PARD3B: variants seen among roughly 807,000 people sequenced by gnomAD.
PARD3B encodes partitioning defective 3 homolog B.
In PARD3B, 103 loss-of-function variants were observed where a neutral mutation model predicts 130.2. The observed-to-expected ratio is 0.79, with a 90% CI of 0.67 to 0.93. PARD3B has a LOEUF of 0.93. Among genes scored for constraint, PARD3B ranks in the 40% least tolerant of loss-of-function variants. PARD3B has a pLI of 0.00. For missense variants in PARD3B, 1,609 were observed against 1,499.2 expected, an observed-to-expected ratio of 1.07 and a Z score of -1.21; for synonymous variants, 583 against 553.2, an observed-to-expected ratio of 1.05 and a Z score of -0.76.
intron 2 of PARD3B, among the ~76,000 whole-genome samples, chr2:204,856,783 A>G (rs1348077642): frequency 6.6e-6 from 1 of 152,090 alleles, no homozygotes; most frequent in Non-Finnish European, 1.5e-5. Context: ...ACCATTTATT[A>G]AAGAGACTGT....
intron 1 of PARD3B, among the ~76,000 whole-genome samples, chr2:204,600,496 T>G (rs992369192): frequency 4.0e-5 from 6 of 151,874 alleles, no homozygotes; most frequent in Admixed American, 2.6e-4. Flanking sequence ...ATTGCTGGTT[T>G]CACTATTCCG....
rs6719612 is a variant in PARD3B at position 205,575,900 on chromosome 2, C to T, written c.3260+22497C>T. Among the ~76,000 whole-genome samples, 143,777 of 152,194 alleles carry T rather than the reference C, an allele frequency of 0.94. 68,467 individuals are homozygous for T. Among genetic ancestry groups the T allele is most frequent in the East Asian group, 1 (5,160 of 5,160 alleles). ...TTTGGGTAAATACCAAGGAACATGA[C>T]TGCTGGATCAAGTGGCGAGACAATG... On this transcript the variant is annotated intron_variant, in intron 22 of 22. Transcript: ENST00000406610. The surrounding 1 kb of genome is among the most constrained non-coding windows in gnomAD (Gnocchi z 4.6).
chr2:204,786,151 A>G (rs1221062777), intron 2 of PARD3B, among the ~76,000 whole-genome samples: 1 of 151,656 alleles, frequency 6.6e-6, no homozygotes, highest in Non-Finnish European at 1.5e-5. Context: ...TTTGAAACCA[A>G]CGAATCGCTA....
chr2:205,604,568 C>A (rs1354984313), intron 22 of PARD3B, among the ~76,000 whole-genome samples: 1 of 152,158 alleles, frequency 6.6e-6, no homozygotes, highest in Non-Finnish European at 1.5e-5. Context: ...TTTCTGCTGA[C>A]AAGTCTGCTC....
At chr2:205,338,053 C>G (rs2043378176) in intron 18 of PARD3B, among the ~76,000 whole-genome samples, 1 of 147,260 alleles carries the variant, frequency 6.8e-6, no homozygotes, top group Non-Finnish European at 1.5e-5. Context: ...ACTCGGGAGG[C>G]TGAGGCAGAG....
chr2:205,125,817 G>A lies in PARD3B; in HGVS notation c.1434+80G>A. 2 of 1,528,526 alleles carry A rather than the reference G, an allele frequency of 1.3e-6. No individual in the cohort carries two copies. Among genetic ancestry groups the A allele is most frequent in the Admixed American group, 1.9e-5 (1 of 52,074 alleles). 94.7% of individuals were successfully genotyped at this position (1,528,526 alleles called of 1,614,324 possible). The stretch of plus-strand genomic sequence containing the variant: ...AATGAACTCATTATAGCTGAGAAAC[G>A]AGTTCTAAATCACAGGCTTCATTCA... On this transcript the variant is annotated intron_variant, in intron 10 of 22. Transcript: ENST00000406610. The surrounding 1 kb of genome is among the most constrained non-coding windows in gnomAD (Gnocchi z 4.0).
chr2:205,115,291 G>A (rs548386232), intron 6 of PARD3B, among the ~76,000 whole-genome samples: 30 of 152,218 alleles, frequency 2.0e-4, no homozygotes, highest in African/African-American at 7.0e-4. Flanking sequence ...ATTGGACGTG[G>A]TTTCAGAACA....
intron 3 of PARD3B, among the ~76,000 whole-genome samples, chr2:205,047,349 G>C (rs1249707041): frequency 6.6e-6 from 1 of 152,150 alleles, no homozygotes; most frequent in Non-Finnish European, 1.5e-5. Flanking sequence ...ACAATGGCTT[G>C]TTTTGAAATG....
intron 15 of PARD3B, among the ~76,000 whole-genome samples, chr2:205,205,445 C>G (rs547698080): frequency 5.3e-5 from 8 of 151,980 alleles, no homozygotes; most frequent in Non-Finnish European, 1.2e-4. Flanking sequence ...ATTTTTTTCT[C>G]TTGCCTGATT....
At chr2:204,837,910 C>A (rs1399417032) in intron 2 of PARD3B, among the ~76,000 whole-genome samples, 3 of 152,092 alleles carry the variant, frequency 2.0e-5, no homozygotes, top group Non-Finnish European at 4.4e-5. Flanking sequence ...CTAAGGCTCA[C>A]CCCAACAACC....
intron 5 of PARD3B, among the ~76,000 whole-genome samples, chr2:205,108,667 G>A (rs13419302): frequency 0.064 from 9,716 of 152,092 alleles, 367 homozygotes; most frequent in Middle Eastern, 0.18. Flanking sequence ...TTCAGGAATA[G>A]ATTCCTAATC....
Position 205,572,678 on chromosome 2 carries a change from G to T in PARD3B, c.3260+19275G>T, listed in dbSNP as rs561057213. Among the ~76,000 whole-genome samples, 3 of 152,198 alleles carry T rather than the reference G, an allele frequency of 2.0e-5. No individual in the cohort carries two copies. The highest frequency in any genetic ancestry group is 1.3e-4 in the Admixed American group (2 of 15,286). ...GAGAATTGCTTGAACCCAGAAGGTG[G>T]AGGTTGCAGTGAGCTGAGATCATGC... On this transcript the variant is annotated intron_variant, in intron 22 of 22. Transcript: ENST00000406610. This position sits in a 1 kb window ranked among gnomAD's most constrained non-coding sequence, Gnocchi z 4.2.
At chr2:205,553,024 AAGAAGAAG>A (rs1477132844) in intron 21 of PARD3B, among the ~76,000 whole-genome samples, 1 of 15,674 alleles carries the variant, frequency 6.4e-5, no homozygotes, top group East Asian at 0.12. Context: ...GTTTTAAAAA[AAGAAGAAG>A]AAGAAGAAGA....
At chr2:205,027,744 G>A (rs1697136661) in intron 3 of PARD3B, among the ~76,000 whole-genome samples, 1 of 152,082 alleles carries the variant, frequency 6.6e-6, no homozygotes, top group African/African-American at 2.4e-5. Flanking sequence ...TTTTGTATAT[G>A]AGGTAAGATA....
At chr2:204,605,529 T>C (rs994561534) in intron 1 of PARD3B, among the ~76,000 whole-genome samples, 2 of 152,188 alleles carry the variant, frequency 1.3e-5, no homozygotes, top group Non-Finnish European at 2.9e-5. Flanking sequence ...GTCTTTTTCC[T>C]AAAACTGTAC....
At chr2:205,136,195 T>C (rs947297825) in intron 10 of PARD3B, among the ~76,000 whole-genome samples, 2 of 152,192 alleles carry the variant, frequency 1.3e-5, no homozygotes, top group African/African-American at 4.8e-5. Flanking sequence ...TGAAATGTTG[T>C]TTCAATTTTC....
intron 1 of PARD3B, among the ~76,000 whole-genome samples, chr2:204,657,152 A>G (rs2035666662): frequency 6.6e-6 from 1 of 152,184 alleles, no homozygotes; most frequent in South Asian, 2.1e-4. Flanking sequence ...GAACATAGCA[A>G]GATCTGGAGG....
chr2:205,363,907 T>G (rs1238388218), intron 18 of PARD3B, among the ~76,000 whole-genome samples: 4 of 138,244 alleles, frequency 2.9e-5, no homozygotes, highest in African/African-American at 1.2e-4. Flanking sequence ...CCTCAAGTGA[T>G]CCACCCGCCT....
At chr2:204,553,051 A>T (rs189862874) in intron 1 of PARD3B, among the ~76,000 whole-genome samples, 41 of 152,172 alleles carry the variant, frequency 2.7e-4, no homozygotes, top group Middle Eastern at 6.8e-3. Context: ...AACTCAAACA[A>T]ATTAGCAAGA....
Sources: allele counts gnomAD v4.1 joint callset (sites outside exome capture counted in the v4.1 genomes callset), GRCh38; gene constraint gnomAD v4.1.1; non-coding constraint Gnocchi (gnomAD v3.1); transcripts MANE v1.5; gene names NCBI Gene and HGNC (gene_info 2026-07-23, HGNC 2026-07-21).